Variants in CSTPP1 observed in about 807,000 individuals in gnomAD.
CSTPP1 encodes the protein centriolar satellite-associated tubulin polyglutamylase complex regulator 1.
the CSTPP1 span, among the ~76,000 whole-genome samples, chr11:46,950,732 C>T: frequency 2.0e-5 from 3 of 152,160 alleles, no homozygotes; most frequent in African/African-American, 7.2e-5. Context: ...CTGCCTCAGC[C>T]TCCCGAGTAG....
the CSTPP1 span, chr11:46,936,971 G>T: frequency 8.1e-7 from 1 of 1,232,884 alleles, no homozygotes; most frequent in Non-Finnish European, 1.1e-6. Flanking sequence ...GGGAGGGGCG[G>T]AGAGGCGGGG....
the CSTPP1 span, among the ~76,000 whole-genome samples, chr11:47,147,906 CTAT>C: frequency 2.0e-5 from 3 of 152,118 alleles, no homozygotes; most frequent in Non-Finnish European, 4.4e-5. Flanking sequence ...TGAATATTCA[CTAT>C]TATTATCATC....
the CSTPP1 span, among the ~76,000 whole-genome samples, chr11:47,039,626 C>G: frequency 7.8e-6 from 1 of 127,646 alleles, no homozygotes; most frequent in East Asian, 2.1e-4. Context: ...ATCACGAGGT[C>G]AGGAGATCGA....
the CSTPP1 span, among the ~76,000 whole-genome samples, chr11:47,149,542 G>A: frequency 6.6e-6 from 1 of 152,204 alleles, no homozygotes; most frequent in African/African-American, 2.4e-5. Flanking sequence ...AAGAGGCAAA[G>A]ACAGACCAGG....
the CSTPP1 span, among the ~76,000 whole-genome samples, chr11:46,942,543 C>T: frequency 4.1e-4 from 63 of 152,246 alleles, no homozygotes; most frequent in Middle Eastern, 0.014. Flanking sequence ...ATTCTCACTA[C>T]GGTTGATAGT....
At chr11:47,050,330 CAGTT>C in the CSTPP1 span, among the ~76,000 whole-genome samples, 1 of 152,108 alleles carries the variant, frequency 6.6e-6, no homozygotes, top group Non-Finnish European at 1.5e-5. Flanking sequence ...GAGTAACTAT[CAGTT>C]AGGTAATGAG....
At chr11:47,097,324 TG>T in the CSTPP1 span, among the ~76,000 whole-genome samples, 614 of 101,396 alleles carry the variant, frequency 6.1e-3, no homozygotes, top group Non-Finnish European at 8.9e-3. Flanking sequence ...GGGAGGGAGG[TG>T]GGGGGGTCAG....
chr11:47,074,512 A>C, the CSTPP1 span, among the ~76,000 whole-genome samples: 139 of 129,134 alleles, frequency 1.1e-3, 2 homozygotes, highest in African/African-American at 6.8e-3. Context: ...AAAAAAAAAA[A>C]AAAAAAAAAC....
chr11:47,035,041 A>G, the CSTPP1 span, among the ~76,000 whole-genome samples: 1 of 152,222 alleles, frequency 6.6e-6, no homozygotes, highest in Non-Finnish European at 1.5e-5. Flanking sequence ...TTCTTATAGA[A>G]ATCCTGCACT....
At chr11:47,125,859 A>G in the CSTPP1 span, among the ~76,000 whole-genome samples, 1 of 152,162 alleles carries the variant, frequency 6.6e-6, no homozygotes, top group African/African-American at 2.4e-5. Context: ...TCTACTAAAA[A>G]TACAAAAATT....
At chr11:47,030,148 A>G in the CSTPP1 span, among the ~76,000 whole-genome samples, 1 of 152,126 alleles carries the variant, frequency 6.6e-6, no homozygotes, top group Non-Finnish European at 1.5e-5. Context: ...AAACAAAACA[A>G]AAAAAACCTA....
At chr11:47,148,189 A>C in the CSTPP1 span, among the ~76,000 whole-genome samples, 4 of 152,170 alleles carry the variant, frequency 2.6e-5, no homozygotes, top group African/African-American at 9.7e-5. Context: ...GTAACCAGAC[A>C]TCGTGTCATC....
At chr11:46,940,689 A>C in the CSTPP1 span, among the ~76,000 whole-genome samples, 3 of 152,200 alleles carry the variant, frequency 2.0e-5, no homozygotes, top group African/African-American at 7.2e-5. Flanking sequence ...ATATAGAGAG[A>C]GAGCTTAAGA....
the CSTPP1 span, among the ~76,000 whole-genome samples, chr11:46,961,227 CTTG>C: frequency 0.014 from 2,193 of 152,242 alleles, 52 homozygotes; most frequent in African/African-American, 0.05. Flanking sequence ...CTTTCCAACA[CTTG>C]TTGTTGTTGC....
chr11:47,158,013 G>C, the CSTPP1 span: 2 of 1,161,026 alleles, frequency 1.7e-6, no homozygotes, highest in Non-Finnish European at 2.5e-6. Context: ...CAGAGGGGAA[G>C]GGGCATCACC....
chr11:47,037,712 C>A, the CSTPP1 span, among the ~76,000 whole-genome samples: 2 of 124,836 alleles, frequency 1.6e-5, no homozygotes, highest in Non-Finnish European at 3.8e-5. Context: ...GGTAAGGTCA[C>A]AGATCAACAG....
At chr11:47,146,794 TAA>T in the CSTPP1 span, among the ~76,000 whole-genome samples, 1 of 152,186 alleles carries the variant, frequency 6.6e-6, no homozygotes, top group African/African-American at 2.4e-5. Flanking sequence ...AAGGAAAGAA[TAA>T]AGTGTGGCAT....
chr11:46,993,712 A>C, the CSTPP1 span, among the ~76,000 whole-genome samples: 234 of 152,266 alleles, frequency 1.5e-3, 1 homozygote, highest in African/African-American at 5.2e-3. Flanking sequence ...AGATAGCATG[A>C]TGTCTCCAGC....
the CSTPP1 span, among the ~76,000 whole-genome samples, chr11:47,129,987 G>A: frequency 5.9e-5 from 9 of 152,174 alleles, no homozygotes; most frequent in Admixed American, 3.3e-4. Flanking sequence ...AGCCGGGTGC[G>A]GTGGCTCACG....
Sources: gnomAD v4.1 joint callset for allele counts (sites outside exome capture counted in the v4.1 genomes callset) on GRCh38, gnomAD v4.1.1 for gene constraint, MANE v1.5 for transcripts, NCBI Gene and HGNC (gene_info 2026-07-23, HGNC 2026-07-21) for gene names.